The following DACH1 variants were observed in gnomAD, a reference collection of about 807,000 sequenced individuals.
DACH1 encodes the protein dachshund homolog 1.
A neutral mutation model predicts 54.2 loss-of-function variants in DACH1; 12 were observed. The ratio of observed to expected loss-of-function variants is 0.22; its 90% CI spans 0.14 to 0.36. The LOEUF is 0.36. DACH1 is among the 10% of genes least tolerant of loss of function. The probability of loss-of-function intolerance (pLI) is 1.00; values close to 1 mark genes in which losing one functional copy is unlikely to be tolerated. For missense variants in DACH1, 805 were observed against 929.8 expected, an observed-to-expected ratio of 0.87 and a Z score of 1.75; for synonymous variants, 386 against 366.2, an observed-to-expected ratio of 1.05 and a Z score of -0.62.
chr13:71,701,967 G>A (rs761729049), intron 1 of DACH1, among the ~76,000 whole-genome samples: 8 of 152,008 alleles, frequency 5.3e-5, no homozygotes, highest in Non-Finnish European at 1.2e-4. Flanking sequence ...ACATGCCTGC[G>A]TGTGCATGGG....
chr13:71,442,187 C>G (rs886505592), intron 10 of DACH1, among the ~76,000 whole-genome samples: 3 of 152,076 alleles, frequency 2.0e-5, no homozygotes, highest in African/African-American at 7.2e-5. Context: ...CCCCACTCTC[C>G]TCACTAACCT....
intron 1 of DACH1, among the ~76,000 whole-genome samples, chr13:71,734,994 T>TATAC (rs1883949231): frequency 6.7e-6 from 1 of 148,888 alleles, no homozygotes; most frequent in Non-Finnish European, 1.5e-5. Context: ...TATATATATA[T>TATAC]ACAGACACAG....
intron 7 of DACH1, among the ~76,000 whole-genome samples, chr13:71,481,845 GATA>G (rs1878060039): frequency 6.6e-6 from 1 of 152,206 alleles, no homozygotes; most frequent in Admixed American, 6.5e-5. Flanking sequence ...AGCCATCAAT[GATA>G]ATAATACTTT....
chr13:71,753,647 A>T (rs1179813780), intron 1 of DACH1, among the ~76,000 whole-genome samples: 2 of 152,206 alleles, frequency 1.3e-5, no homozygotes, highest in South Asian at 4.1e-4. Flanking sequence ...ATATTTCACT[A>T]CCAGCCTACC....
At chr13:71,733,862 C>G (rs1275742638) in intron 1 of DACH1, among the ~76,000 whole-genome samples, 2 of 151,822 alleles carry the variant, frequency 1.3e-5, no homozygotes, top group Admixed American at 1.3e-4. Flanking sequence ...AGTCAGTGGC[C>G]AACATGGTGA....
At chr13:71,748,950 T>A (rs200066673) in intron 1 of DACH1, among the ~76,000 whole-genome samples, 1 of 85,298 alleles carries the variant, frequency 1.2e-5, no homozygotes, top group South Asian at 3.3e-4. Flanking sequence ...CTTTCTTTCT[T>A]TCTCTCTTTC....
chr13:71,761,096 GA>G (rs906787258), intron 1 of DACH1, among the ~76,000 whole-genome samples: 1,868 of 142,038 alleles, frequency 0.013, 40 homozygotes, highest in African/African-American at 0.044. Context: ...TTAATAATTT[GA>G]AAAAAAAAAG....
chr13:71,451,267 T>C (rs1443973448), intron 10 of DACH1, among the ~76,000 whole-genome samples: 1 of 152,150 alleles, frequency 6.6e-6, no homozygotes, highest in Non-Finnish European at 1.5e-5. Flanking sequence ...GGACCCAGAC[T>C]ATCATCTCTC....
At chr13:71,823,762 T>C (rs1888281810) in intron 1 of DACH1, among the ~76,000 whole-genome samples, 1 of 151,982 alleles carries the variant, frequency 6.6e-6, no homozygotes, top group Admixed American at 6.6e-5. Context: ...CGTTATAAGA[T>C]AAGCACTGTT....
rs111385713 is a variant in DACH1 at position 71,778,772 on chromosome 13, T to A, written c.848+87150A>T. 4.6e-5 allele frequency among the ~76,000 whole-genome samples: 7 copies of A among 152,160 alleles called. 2 individuals are homozygous for A. Among genetic ancestry groups the A allele is most frequent in the African/African-American group, 1.7e-4 (7 of 41,528 alleles). On this transcript the variant is annotated intron_variant, in intron 1 of 10. Transcript: ENST00000613252. ...CTTTAAGAATAACATTTCCAAAAAATTAAACTTGGAAACAATAAATTTGTT... is the reference window on the plus strand; with the variant it reads ...CTTTAAGAATAACATTTCCAAAAAAATAAACTTGGAAACAATAAATTTGTT...
At chr13:71,629,480 G>A (rs1876919434) in intron 3 of DACH1, among the ~76,000 whole-genome samples, 1 of 151,994 alleles carries the variant, frequency 6.6e-6, no homozygotes, top group African/African-American at 2.4e-5. Context: ...ACAGTATTTT[G>A]TGTTTTGTCT....
At chr13:71,591,140 A>G (rs1301261922) in intron 3 of DACH1, among the ~76,000 whole-genome samples, 1 of 151,794 alleles carries the variant, frequency 6.6e-6, no homozygotes, top group African/African-American at 2.4e-5. Flanking sequence ...TAGCCTCCCA[A>G]CATGCTAGGA....
chr13:71,707,111 A>ATGTC (rs1308590589), intron 1 of DACH1, among the ~76,000 whole-genome samples: 21 of 152,256 alleles, frequency 1.4e-4, no homozygotes, highest in Non-Finnish European at 2.6e-4. Context: ...TTGAAAGAAC[A>ATGTC]TTAAGACAGG....
At chr13:71,659,413 A>G (rs1011294275) in intron 2 of DACH1, among the ~76,000 whole-genome samples, 2 of 152,182 alleles carry the variant, frequency 1.3e-5, no homozygotes, top group African/African-American at 2.4e-5. Flanking sequence ...TGTATTTCCA[A>G]TGATGAAGTC....
Position 71,475,767 on chromosome 13 carries a change from A to T in DACH1, c.1953T>A (p.Arg651=). 2 of 1,613,658 alleles carry T rather than the reference A, an allele frequency of 1.2e-6. No homozygotes were observed. Among genetic ancestry groups the T allele is most frequent in the Non-Finnish European group, 1.7e-6 (2 of 1,179,902 alleles). Residue 651 remains arginine (R), a synonymous_variant, in exon 9 of 11, where the codon CGT becomes CGA. Transcript: ENST00000613252. ...QEALEFETKR[R]EQAEQTLKQA... ...GTTTTAGCGTCTGTTCTGCTTGTTC[A>T]CGCCGTTTCGTCTCAAACTCAAGTG... is the stretch of plus-strand genomic sequence containing the variant.
intron 6 of DACH1, among the ~76,000 whole-genome samples, chr13:71,530,980 G>A (rs1031194421): frequency 1.5e-4 from 23 of 151,950 alleles, no homozygotes; most frequent in Admixed American, 1.1e-3. Flanking sequence ...TATGATCAAC[G>A]TAAGGGATGG....
Position 71,505,626 on chromosome 13 carries a change from C to A in DACH1, c.1571-16478G>T, listed in dbSNP as rs151314200. 6.6e-5 allele frequency among the ~76,000 whole-genome samples: 10 copies of A among 152,210 alleles called. No homozygotes were observed. The East Asian group carries it at 1.9e-3, about 29-fold the overall frequency. ...ATATTTAGTAAATCCAATAACTGTT[C>A]TGTTCTGTTTCAATTATTAATTTAC... On this transcript the variant is annotated intron_variant, in intron 6 of 10. Transcript: ENST00000613252.
intron 3 of DACH1, among the ~76,000 whole-genome samples, chr13:71,587,243 T>C (rs1414485158): frequency 6.6e-6 from 1 of 152,092 alleles, no homozygotes; most frequent in Non-Finnish European, 1.5e-5. Context: ...AATTTGGTTT[T>C]TCAAAAATGC....
chr13:71,796,382 CT>C (rs1887052124), intron 1 of DACH1, among the ~76,000 whole-genome samples: 1 of 152,018 alleles, frequency 6.6e-6, no homozygotes, highest in Admixed American at 6.6e-5. Context: ...AAAAATCTTA[CT>C]TTTCTTCTTT....
Sources: gnomAD v4.1 joint callset for allele counts (sites outside exome capture counted in the v4.1 genomes callset) on GRCh38, gnomAD v4.1.1 for gene constraint, MANE v1.5 for transcripts, NCBI Gene and HGNC (gene_info 2026-07-23, HGNC 2026-07-21) for gene names.